The following GALNT13 variants were observed in gnomAD, a reference collection of about 807,000 sequenced individuals.
GALNT13 encodes polypeptide N-acetylgalactosaminyltransferase 13, also known as UDP-GalNAc:polypeptide N-acetylgalactosaminyltransferase 13.
GALNT13 carries 28 observed loss-of-function variants against 64.2 expected under a neutral mutation model. That is an observed-to-expected ratio of 0.44 (90% CI 0.32 to 0.60). The LOEUF (loss-of-function observed/expected upper bound fraction) is 0.60, where lower values mean the gene tolerates loss of function less well. Among genes scored for constraint, GALNT13 ranks in the 20% least tolerant of loss-of-function variants. The pLI, the probability that GALNT13 is intolerant of heterozygous loss-of-function variation, is 0.05. For synonymous variants in GALNT13, 214 were observed against 224.6 expected, an observed-to-expected ratio of 0.95 and a Z score of 0.42; for missense variants, 577 against 669.8, an observed-to-expected ratio of 0.86 and a Z score of 1.53.
intron 9 of GALNT13, among the ~76,000 whole-genome samples, chr2:154,304,643 T>C (rs1693633246): frequency 6.6e-6 from 1 of 152,200 alleles, no homozygotes; most frequent in Admixed American, 6.5e-5. Flanking sequence ...ATGAAATGAA[T>C]AACTTTAGAA....
intron 9 of GALNT13, among the ~76,000 whole-genome samples, chr2:154,389,249 C>A (rs1293055288): frequency 1.3e-5 from 2 of 152,108 alleles, no homozygotes; most frequent in Admixed American, 1.3e-4. Context: ...GATACTCCTG[C>A]CTCAGCCTCC....
chr2:153,608,116 G>C, the GALNT13 span, among the ~76,000 whole-genome samples: 1 of 152,096 alleles, frequency 6.6e-6, no homozygotes, highest in Non-Finnish European at 1.5e-5. Flanking sequence ...AGAGGTGTCA[G>C]ACTCTGAAAG....
At chr2:154,283,777 T>A (rs1437939504) in intron 8 of GALNT13, among the ~76,000 whole-genome samples, 3 of 151,990 alleles carry the variant, frequency 2.0e-5, no homozygotes, top group African/African-American at 7.2e-5. Flanking sequence ...ACATGAACAT[T>A]TATCTAGATG....
chr2:153,811,116 G>A, the GALNT13 span, among the ~76,000 whole-genome samples: 3 of 152,040 alleles, frequency 2.0e-5, no homozygotes, highest in Non-Finnish European at 4.4e-5. Context: ...TATTATTATC[G>A]TTATCATTAT....
At chr2:154,275,960 G>C (rs148039503) in intron 8 of GALNT13, among the ~76,000 whole-genome samples, 1 of 152,136 alleles carries the variant, frequency 6.6e-6, no homozygotes, top group Non-Finnish European at 1.5e-5. Flanking sequence ...GTAACCTTAA[G>C]GTTTAATGAC....
the GALNT13 span, among the ~76,000 whole-genome samples, chr2:153,422,472 G>T: frequency 1.3e-5 from 2 of 152,294 alleles, no homozygotes; most frequent in East Asian, 1.9e-4. Context: ...GAGGACTGCT[G>T]TACAATTGTA....
At chr2:153,352,996 G>T in the GALNT13 span, among the ~76,000 whole-genome samples, 18 of 152,060 alleles carry the variant, frequency 1.2e-4, no homozygotes, top group Non-Finnish European at 2.5e-4. Context: ...AAAATAACTT[G>T]CTGGGATTTT....
chr2:153,361,519 G>A, the GALNT13 span, among the ~76,000 whole-genome samples: 1 of 151,794 alleles, frequency 6.6e-6, no homozygotes, highest in African/African-American at 2.4e-5. Context: ...AGCTTAGAGG[G>A]GAACAAAAAT....
At chr2:153,912,604 G>A (rs1406471245) in intron 2 of GALNT13, among the ~76,000 whole-genome samples, 4 of 151,552 alleles carry the variant, frequency 2.6e-5, no homozygotes, top group Non-Finnish European at 5.9e-5. Flanking sequence ...CCTATTTAAT[G>A]ACCTTGGGGG....
chr2:153,521,127 G>T, the GALNT13 span, among the ~76,000 whole-genome samples: 6 of 152,302 alleles, frequency 3.9e-5, no homozygotes, highest in Middle Eastern at 3.4e-3. Context: ...ATCCTTGTAA[G>T]TTATATTTGT....
the GALNT13 span, among the ~76,000 whole-genome samples, chr2:153,817,662 C>T: frequency 7.2e-5 from 11 of 152,284 alleles, no homozygotes; most frequent in Admixed American, 5.2e-4. Flanking sequence ...CTTACAGTGG[C>T]CCCTAAACTT....
intron 3 of GALNT13, among the ~76,000 whole-genome samples, chr2:154,063,804 T>C (rs996074661): frequency 6.6e-6 from 1 of 152,102 alleles, no homozygotes; most frequent in African/African-American, 2.4e-5. Context: ...ATAACAACTT[T>C]TATGGGAAAC....
the GALNT13 span, among the ~76,000 whole-genome samples, chr2:153,542,107 C>A: frequency 6.6e-6 from 1 of 152,026 alleles, no homozygotes; most frequent in Admixed American, 6.5e-5. Flanking sequence ...CACCTGATGT[C>A]AGGAGTTCAA....
At chr2:153,237,418 C>T in the GALNT13 span, among the ~76,000 whole-genome samples, 1 of 151,936 alleles carries the variant, frequency 6.6e-6, no homozygotes, top group African/African-American at 2.4e-5. Flanking sequence ...ATTATGCTAT[C>T]AAATACTAGA....
the GALNT13 span, among the ~76,000 whole-genome samples, chr2:153,635,400 A>ATATATATATACACATATATATG: frequency 4.0e-4 from 6 of 15,054 alleles, no homozygotes; most frequent in African/African-American, 2.0e-3. Flanking sequence ...GTAAATATGT[A>ATATATATATACACATATATATG]TATATATATA....
At chr2:153,694,223 C>T in the GALNT13 span, among the ~76,000 whole-genome samples, 2 of 152,186 alleles carry the variant, frequency 1.3e-5, no homozygotes, top group African/African-American at 2.4e-5. Flanking sequence ...TTCGGCCTAG[C>T]GAGTTTGGGG....
chr2:153,582,809 G>T, the GALNT13 span, among the ~76,000 whole-genome samples: 17 of 152,092 alleles, frequency 1.1e-4, no homozygotes, highest in African/African-American at 4.1e-4. Context: ...TGAGATTTCA[G>T]TCTATGGGAT....
At chr2:153,910,838 C>T (rs1042110882) in intron 2 of GALNT13, among the ~76,000 whole-genome samples, 12 of 152,042 alleles carry the variant, frequency 7.9e-5, no homozygotes, top group African/African-American at 2.7e-4. Context: ...TGTTTTATGT[C>T]CTATTGTGTG....
the GALNT13 span, among the ~76,000 whole-genome samples, chr2:153,088,698 TTTATTA>T: frequency 3.3e-5 from 5 of 152,104 alleles, no homozygotes; most frequent in Admixed American, 1.3e-4. Flanking sequence ...AACTAATCCT[TTTATTA>T]TTATTATTGT....
Sources: allele counts gnomAD v4.1 joint callset (sites outside exome capture counted in the v4.1 genomes callset), GRCh38; gene constraint gnomAD v4.1.1; transcripts MANE v1.5; gene names NCBI Gene and HGNC (gene_info 2026-07-23, HGNC 2026-07-21).